Variants in UPP2 observed in about 807,000 individuals in gnomAD.
The protein encoded by UPP2 is uridine phosphorylase 2, also known as UPase 2.
In UPP2, 23 loss-of-function variants were observed where a neutral mutation model predicts 26.7. The observed-to-expected ratio is 0.86, with a 90% CI of 0.62 to 1.22. UPP2 has a LOEUF of 1.22. Ranked by LOEUF, UPP2 falls within the 50% of genes most tolerant of loss-of-function variation. The probability of loss-of-function intolerance (pLI) is 0.00; values close to 1 mark genes in which losing one functional copy is unlikely to be tolerated. For missense variants in UPP2, 387 were observed against 396.7 expected (o/e 0.98, Z 0.21); for synonymous variants, 127 against 141.3 (o/e 0.90, Z 0.72).
intron 3 of UPP2, among the ~76,000 whole-genome samples, chr2:158,076,397 A>G (rs1169344555): frequency 1.3e-5 from 2 of 152,052 alleles, no homozygotes; most frequent in East Asian, 1.9e-4. Context: ...AATATTTCTG[A>G]TGACTATTGA....
rs1204273127 is a variant in UPP2 at position 158,078,486 on chromosome 2, G to A, written c.148-23554G>A. Among the ~76,000 whole-genome samples the A allele has an allele frequency of 2.0e-5, 3 of 152,116 alleles. No homozygotes were observed. In the East Asian group the frequency reaches 5.8e-4, roughly 29 times the overall value. On this transcript the variant is annotated intron_variant, in intron 3 of 9. Coordinates refer to the UPP2 transcript ENST00000605860. ...AAGAGCTTGTCATTTGCAACAACAT[G>A]GATGGAACTGGCAATCATTACATTG... is the stretch of plus-strand genomic sequence containing the variant.
At chr2:158,105,983 C>T in intron 1 of UPP2, 116 bp from the exon 2 acceptor site, 2 of 745,674 alleles carry the variant, frequency 2.7e-6, no homozygotes, top group Non-Finnish European at 4.4e-6. Context: ...TGTTATACTA[C>T]ATTGCTTCTC....
intron 3 of UPP2, among the ~76,000 whole-genome samples, chr2:158,023,189 A>AGGAG (rs1354695009): frequency 7.5e-5 from 4 of 53,046 alleles, no homozygotes; most frequent in Admixed American, 6.5e-4. Flanking sequence ...ATAGTGCATG[A>AGGAG]GGAGGGGAGG....
At chr2:158,098,813 C>T (rs1353124525), upstream of UPP2, among the ~76,000 whole-genome samples, 2 of 152,134 alleles carry the variant, frequency 1.3e-5, no homozygotes, top group African/African-American at 4.8e-5. Context: ...CTCTATCTTC[C>T]AGGAGGGTGC....
At chr2:158,035,380 C>T (rs904756338) in intron 3 of UPP2, among the ~76,000 whole-genome samples, 3 of 152,146 alleles carry the variant, frequency 2.0e-5, no homozygotes, top group South Asian at 2.1e-4. Flanking sequence ...TGGTCTCGAA[C>T]TCCTGACCTC....
At chr2:158,087,286 G>T (rs140403597) in intron 3 of UPP2, among the ~76,000 whole-genome samples, 3,550 of 152,008 alleles carry the variant, frequency 0.023, 138 homozygotes, top group African/African-American at 0.078. Context: ...AAGTTTGTTT[G>T]GTCTGATATA....
chr2:158,065,952 C>G (rs1025050942), intron 3 of UPP2: 1 of 470,496 alleles, frequency 2.1e-6, no homozygotes. Flanking sequence ...AAGAAAAAAG[C>G]AGTATGGAGC....
chr2:158,068,274 T>C (rs1419497310), intron 3 of UPP2, among the ~76,000 whole-genome samples: 1 of 152,148 alleles, frequency 6.6e-6, no homozygotes, highest in Non-Finnish European at 1.5e-5. Context: ...GAAGCACTGG[T>C]TTTGTTTTAG....
At chr2:158,026,040 A>G (rs1683828194) in intron 3 of UPP2, among the ~76,000 whole-genome samples, 1 of 152,124 alleles carries the variant, frequency 6.6e-6, no homozygotes, top group African/African-American at 2.4e-5. Context: ...AGCAGCCTCC[A>G]TAGCTGAGGC....
intron 3 of UPP2, among the ~76,000 whole-genome samples, chr2:158,068,998 T>C (rs1228814034): frequency 2.7e-5 from 4 of 150,444 alleles, no homozygotes; most frequent in Non-Finnish European, 4.4e-5. Context: ...TTTGTATTTT[T>C]AGTAGAGACG....
At chr2:158,016,515 A>G (rs1441799276) in intron 3 of UPP2, among the ~76,000 whole-genome samples, 1 of 151,914 alleles carries the variant, frequency 6.6e-6, no homozygotes, top group Non-Finnish European at 1.5e-5. Context: ...TAATTTTTGT[A>G]TTTTTAGTAG....
At chr2:158,028,054 A>C (rs1277968681) in intron 3 of UPP2, among the ~76,000 whole-genome samples, 1 of 152,174 alleles carries the variant, frequency 6.6e-6, no homozygotes, top group Non-Finnish European at 1.5e-5. Context: ...TGTTGTGAAG[A>C]TCTCTGACAT....
At chr2:158,120,652 G>A (rs1683545747) in intron 4 of UPP2, among the ~76,000 whole-genome samples, 1 of 151,964 alleles carries the variant, frequency 6.6e-6, no homozygotes, top group Admixed American at 6.6e-5. Flanking sequence ...AAACCAGACT[G>A]GGTCAAAAGC....
chr2:158,106,172 G>A lies in UPP2; in HGVS notation c.136G>A (p.Gly46Arg). Residue 46 changes from glycine (G) to arginine (R), a missense_variant, in exon 2 of 7, where the codon GGA becomes AGA. By Grantham distance (125) the Gly-to-Arg change is moderately radical. Transcript: ENST00000005756. The part of the protein sequence containing the change: ...DEDILYHLDL[G>R]TKTHNLPAMF... ...AGACATTCTCTATCACTTGGATTTG[G>A]GAACAAAAACACACAACCTACCAGC... 1.2e-6 allele frequency: 2 copies of A among 1,610,716 alleles called. No homozygotes were observed. Among genetic ancestry groups the A allele is most frequent in the East Asian group, 2.2e-5 (1 of 44,578 alleles).
intron 2 of UPP2, among the ~76,000 whole-genome samples, chr2:158,011,466 C>T (rs979895161): frequency 2.0e-5 from 3 of 152,100 alleles, no homozygotes; most frequent in Non-Finnish European, 4.4e-5. Flanking sequence ...CCCTCCTTTC[C>T]CATAAAGTTT....
At chr2:158,088,392 A>AT (rs1331593257) in intron 3 of UPP2, among the ~76,000 whole-genome samples, 1 of 151,848 alleles carries the variant, frequency 6.6e-6, no homozygotes, top group African/African-American at 2.4e-5. Flanking sequence ...TTCATATATC[A>AT]TTTTTTAAAT....
chr2:158,043,228 T>A (rs1054579243), intron 3 of UPP2, among the ~76,000 whole-genome samples: 1 of 152,154 alleles, frequency 6.6e-6, no homozygotes, highest in Non-Finnish European at 1.5e-5. Context: ...CTTTCAACAC[T>A]GTACAAAAAG....
At chr2:158,093,780 TA>T (rs1682946594) in intron 3 of UPP2, among the ~76,000 whole-genome samples, 1 of 151,980 alleles carries the variant, frequency 6.6e-6, no homozygotes, top group South Asian at 2.1e-4. Flanking sequence ...TGTAACTTGG[TA>T]AAACTATTAG....
intron 3 of UPP2, among the ~76,000 whole-genome samples, chr2:158,059,468 T>C (rs1375104174): frequency 1.3e-5 from 2 of 152,264 alleles, no homozygotes; most frequent in African/African-American, 4.8e-5. Context: ...CTGAGCTTCC[T>C]CTGAGTGTTG....
Sources: gnomAD v4.1 joint callset for allele counts (sites outside exome capture counted in the v4.1 genomes callset) on GRCh38, gnomAD v4.1.1 for gene constraint, MANE v1.5 for transcripts, NCBI Gene and HGNC (gene_info 2026-07-23, HGNC 2026-07-21) for gene names.